KLKB1: variants seen among roughly 807,000 people sequenced by gnomAD.
The protein encoded by KLKB1 is plasma kallikrein.
In KLKB1, 58 loss-of-function variants were observed where a neutral mutation model predicts 73.6. The observed-to-expected ratio is 0.79, with a 90% confidence interval of 0.64 to 0.98. The LOEUF (loss-of-function observed/expected upper bound fraction) is 0.98. Ranked by LOEUF, KLKB1 falls within the 50% of genes least tolerant of loss-of-function variation. KLKB1 has a pLI of 0.00. For synonymous variants in KLKB1, 280 were observed against 258.1 expected (o/e 1.08, Z -0.81); for missense variants, 737 against 763.8 (o/e 0.96, Z 0.41).
intron 10 of KLKB1, 42 bp downstream of exon 10, chr4:186,251,903 G>A (rs1249863391): frequency 6.3e-7 from 1 of 1,599,726 alleles, no homozygotes; most frequent in East Asian, 2.2e-5. Flanking sequence ...AGGGATGTCT[G>A]TCATGTTGAT....
chr4:186,213,794 T>G lies in KLKB1; in HGVS notation c.201+4522T>G, dbSNP rs1360334938. On this transcript the variant is annotated intron_variant, in intron 2 of 14. Transcript: ENST00000511608. ...CTGGTCGTAAAAATCCATTTTTATC[T>G]GGAATGTTTCTAGAAGATCAAAACC... is the stretch of plus-strand genomic sequence containing the variant. Among the ~76,000 whole-genome samples the G allele has an allele frequency of 2.0e-5, 3 of 152,350 alleles. No homozygotes were observed. In the East Asian group the frequency reaches 5.8e-4, roughly 29 times the overall value.
chr4:186,245,801 A>AGTT (rs1738298542), intron 6 of KLKB1, among the ~76,000 whole-genome samples: 1 of 57,788 alleles, frequency 1.7e-5, no homozygotes, highest in African/African-American at 5.6e-5. Context: ...TAATTTTTGG[A>AGTT]GTTTTTTTTT....
At chr4:186,238,504 C>T (rs747116327) in intron 6 of KLKB1, 139 bp downstream of exon 6, 14 of 705,394 alleles carry the variant, frequency 2.0e-5, no homozygotes, top group African/African-American at 8.8e-5. Flanking sequence ...CATGCAGTTA[C>T]GGGCTTCGAG....
At chr4:186,248,846 CT>C (rs975821085) in intron 6 of KLKB1, among the ~76,000 whole-genome samples, 8 of 152,118 alleles carry the variant, frequency 5.3e-5, no homozygotes, top group African/African-American at 1.9e-4. Flanking sequence ...TTGTTATTGT[CT>C]TTGTAATTAT....
chr4:186,250,504 G>T, intron 7 of KLKB1, 102 bp downstream of exon 7: 3 of 1,377,214 alleles, frequency 2.2e-6, no homozygotes, highest in Admixed American at 1.7e-5. Flanking sequence ...TAAAAGTTTC[G>T]TTCATTTCCC....
chr4:186,224,314 C>T (rs905885716), upstream of KLKB1, among the ~76,000 whole-genome samples: 1 of 152,100 alleles, frequency 6.6e-6, no homozygotes, highest in South Asian at 2.1e-4. Context: ...AGAGTTCCCC[C>T]ATCTTCCAGA....
At chr4:186,257,526 T>C (rs1202440797) in intron 14 of KLKB1, among the ~76,000 whole-genome samples, 161 bp downstream of exon 14, 1 of 151,936 alleles carries the variant, frequency 6.6e-6, no homozygotes, top group East Asian at 1.9e-4. Flanking sequence ...ATATACATAA[T>C]ATATATTTAT....
Position 186,220,053 on chromosome 4 carries a change from T to G in KLKB1, c.201+10781T>G, listed in dbSNP as rs111628729. The stretch of plus-strand genomic sequence containing the variant: ...TTCCAGTTTAATGGAATCCTTGTTG[T>G]GTCTTCTGGTGGCAGCATTTTTCCC... On this transcript the variant is annotated intron_variant, in intron 2 of 14. Coordinates refer to the KLKB1 transcript ENST00000511608. 1.7e-4 allele frequency among the ~76,000 whole-genome samples: 26 copies of G among 152,162 alleles called. 1 individual carries two copies. The South Asian group carries it at 5.0e-3, about 29-fold the overall frequency.
chr4:186,218,330 C>T (rs1736954779), intron 2 of KLKB1, among the ~76,000 whole-genome samples: 1 of 152,184 alleles, frequency 6.6e-6, no homozygotes, highest in African/African-American at 2.4e-5. Context: ...CCATTATTCA[C>T]TGTGCCTGCA....
chr4:186,228,599 T>C (rs1051518634), intron 2 of KLKB1, among the ~76,000 whole-genome samples: 4 of 152,214 alleles, frequency 2.6e-5, no homozygotes, highest in African/African-American at 9.6e-5. Flanking sequence ...AATTAAACTT[T>C]ATCTGAAAAT....
chr4:186,243,643 C>A (rs563539232), intron 6 of KLKB1, among the ~76,000 whole-genome samples: 6 of 152,102 alleles, frequency 3.9e-5, no homozygotes, highest in Admixed American at 1.3e-4. Flanking sequence ...GATGGAGAAC[C>A]CTTGTGTAGT....
chr4:186,248,799 A>G (rs970282488), intron 6 of KLKB1, among the ~76,000 whole-genome samples: 4 of 152,180 alleles, frequency 2.6e-5, no homozygotes, highest in East Asian at 1.9e-4. Flanking sequence ...ACCAGCAACA[A>G]TTGAGGGCTT....
chr4:186,232,106 A>T lies in KLKB1; in HGVS notation c.59-21A>T, dbSNP rs771268600. On this transcript the variant is annotated intron_variant, in intron 2 of 14. Coordinates refer to ENST00000264690, the MANE Select transcript of KLKB1 (RefSeq NM_000892.5). ...TTATTATATGAATTATCGCAAATTA[A>T]TTTTTATGGTTCTGTCACAGGATGT... 3.8e-6 allele frequency: 6 copies of T among 1,575,492 alleles called. No homozygotes were observed. The East Asian group carries it at 1.1e-4, about 30-fold the overall frequency.
chr4:186,249,019 G>T lies in KLKB1; in HGVS notation c.599-1224G>T, dbSNP rs115084337. On this transcript the variant is annotated intron_variant, in intron 6 of 14. Transcript: ENST00000264690. ...TCTTTTGGCCATTAAAAATAATTGG[G>T]TTATTTTCATTGTTGAGTTGTATGA... 7.0e-3 allele frequency among the ~76,000 whole-genome samples: 1,060 copies of T among 152,168 alleles called. 7 individuals are homozygous for T. Among genetic ancestry groups the T allele is most frequent in the African/African-American group, 0.023 (970 of 41,542 alleles).
intron 6 of KLKB1, among the ~76,000 whole-genome samples, chr4:186,239,869 T>A (rs1373922741): frequency 6.8e-6 from 1 of 147,082 alleles, no homozygotes; most frequent in African/African-American, 2.5e-5. Flanking sequence ...ACAGTGATAT[T>A]GTTATAGTTA....
chr4:186,212,858 A>G (rs1736772653), intron 2 of KLKB1: 1 of 152,246 alleles, frequency 6.6e-6, no homozygotes, highest in African/African-American at 2.4e-5. Flanking sequence ...AGTGCCTACA[A>G]CCCAGGCCCT....
chr4:186,230,989 G>T (rs1267272921), intron 2 of KLKB1, among the ~76,000 whole-genome samples: 1 of 152,092 alleles, frequency 6.6e-6, no homozygotes, highest in African/African-American at 2.4e-5. Context: ...AACCTTACCC[G>T]AGAGGTGGTC....
At chr4:186,247,253 G>T (rs138829486) in intron 6 of KLKB1, among the ~76,000 whole-genome samples, 23 of 152,262 alleles carry the variant, frequency 1.5e-4, no homozygotes, top group South Asian at 6.2e-4. Context: ...CACCAAACAG[G>T]CTTTGTGTGA....
chr4:186,221,515 G>T (rs149679858), upstream of KLKB1, among the ~76,000 whole-genome samples: 12 of 151,886 alleles, frequency 7.9e-5, no homozygotes, highest in African/African-American at 2.7e-4. Context: ...TTTTTCTCAA[G>T]ACATTTTTTG....
Sources: gnomAD v4.1 joint callset for allele counts (sites outside exome capture counted in the v4.1 genomes callset) on GRCh38, gnomAD v4.1.1 for gene constraint, MANE v1.5 for transcripts, NCBI Gene and HGNC (gene_info 2026-07-23, HGNC 2026-07-21) for gene names.